GPC5: variants seen among roughly 807,000 people sequenced by gnomAD.
The protein encoded by GPC5 is glypican-5.
GPC5 carries 47 observed loss-of-function variants against 53.9 expected under a neutral mutation model. That is an observed-to-expected ratio of 0.87 (90% CI 0.69 to 1.11). GPC5 has a LOEUF of 1.11. Ranked by LOEUF, GPC5 falls within the 50% of genes most tolerant of loss-of-function variation. GPC5 has a pLI of 0.00. For missense variants in GPC5, 748 were observed against 713.1 expected (o/e 1.05, Z -0.56); for synonymous variants, 286 against 263.3 (o/e 1.09, Z -0.84).
intron 5 of GPC5, among the ~76,000 whole-genome samples, chr13:91,817,386 A>G (rs187525935): frequency 6.6e-5 from 10 of 152,302 alleles, no homozygotes; most frequent in Admixed American, 6.5e-4. Flanking sequence ...TTTATTTTGA[A>G]TCCTTTCAGA....
rs114684517 is a variant in GPC5 at position 92,075,051 on chromosome 13, T to G, written c.1402-69779T>G. On this transcript the variant is annotated intron_variant, in intron 6 of 7. Transcript: ENST00000377067. ...TCATAGGTTATAAAAATTTTGTGCA[T>G]ATGCCTGTTTTGAAATTTTTTTCTT... Among the ~76,000 whole-genome samples, 1,261 of 152,350 alleles carry G rather than the reference T, an allele frequency of 8.3e-3. 20 individuals are homozygous for G. Among genetic ancestry groups the G allele is most frequent in the African/African-American group, 0.029 (1,214 of 41,576 alleles).
chr13:92,154,687 G>C (rs1312156471), intron 7 of GPC5, among the ~76,000 whole-genome samples: 1 of 151,984 alleles, frequency 6.6e-6, no homozygotes, highest in Non-Finnish European at 1.5e-5. Flanking sequence ...ATACTTACTA[G>C]TTTCTTTGCC....
chr13:91,659,693 T>C (rs1012219872), intron 2 of GPC5, among the ~76,000 whole-genome samples: 9 of 152,178 alleles, frequency 5.9e-5, no homozygotes, highest in African/African-American at 2.2e-4. Context: ...CTCGAGATGT[T>C]TATCAAAGAC....
chr13:92,347,447 T>C (rs1177759132), intron 7 of GPC5, among the ~76,000 whole-genome samples: 1 of 151,964 alleles, frequency 6.6e-6, no homozygotes, highest in Non-Finnish European at 1.5e-5. Context: ...AATTGGTCTT[T>C]TAGGAATGAG....
chr13:92,208,318 T>A (rs537499120), intron 7 of GPC5, among the ~76,000 whole-genome samples: 44 of 152,338 alleles, frequency 2.9e-4, no homozygotes, highest in African/African-American at 1.0e-3. Flanking sequence ...ACTAGGCTGG[T>A]TTCCCATTCC....
chr13:92,132,457 C>T (rs1293855513), intron 6 of GPC5, among the ~76,000 whole-genome samples: 1 of 152,022 alleles, frequency 6.6e-6, no homozygotes, highest in African/African-American at 2.4e-5. Flanking sequence ...GTAGTTTCCT[C>T]CAGAAGGATA....
chr13:91,478,959 G>A (rs969082847), intron 2 of GPC5, among the ~76,000 whole-genome samples: 5 of 138,336 alleles, frequency 3.6e-5, no homozygotes, highest in African/African-American at 5.4e-5. Flanking sequence ...TGTTACCCAC[G>A]TTGGAGTGCA....
chr13:91,836,010 G>A (rs1188749093), intron 5 of GPC5, among the ~76,000 whole-genome samples: 2 of 151,946 alleles, frequency 1.3e-5, no homozygotes, highest in Non-Finnish European at 2.9e-5. Context: ...CCTGCCATGG[G>A]TACACTGTTT....
intron 7 of GPC5, among the ~76,000 whole-genome samples, chr13:92,171,115 G>A (rs2042067539): frequency 6.6e-6 from 1 of 152,006 alleles, no homozygotes; most frequent in Non-Finnish European, 1.5e-5. Flanking sequence ...TGTTCCACAA[G>A]ATATTCATAT....
At chr13:92,072,527 G>GAT (rs1422061898) in intron 6 of GPC5, among the ~76,000 whole-genome samples, 1 of 148,606 alleles carries the variant, frequency 6.7e-6, no homozygotes, top group Non-Finnish European at 1.5e-5. Context: ...AGCCTCCGAA[G>GAT]TGCTGGGATT....
rs1216960044 is a variant in GPC5 at position 91,740,110 on chromosome 13, C to T, written c.1154+11445C>T. On this transcript the variant is annotated intron_variant, in intron 4 of 7. Coordinates refer to ENST00000377067, the MANE Select transcript of GPC5 (RefSeq NM_004466.6). ...TCTTCCGCCACACCTGCCCTTGCTT[C>T]CCTTTCTCGCTTTTACCTAAAAGCA... 1.2e-4 allele frequency among the ~76,000 whole-genome samples: 18 copies of T among 146,050 alleles called. 1 individual carries two copies. The highest frequency in any genetic ancestry group is 1.2e-3 in the Admixed American group (18 of 14,988).
chr13:92,129,932 T>C (rs2041729582), intron 6 of GPC5, among the ~76,000 whole-genome samples: 1 of 152,154 alleles, frequency 6.6e-6, no homozygotes, highest in Admixed American at 6.5e-5. Flanking sequence ...TCAAAAATTT[T>C]GTAAAATTGA....
chr13:92,603,334 C>A (rs1393106963), intron 7 of GPC5, among the ~76,000 whole-genome samples: 1 of 152,038 alleles, frequency 6.6e-6, no homozygotes, highest in Admixed American at 6.6e-5. Flanking sequence ...AAATCTCTGT[C>A]TTCCCAGGAG....
intron 2 of GPC5, among the ~76,000 whole-genome samples, chr13:91,637,635 C>A (rs1409670377): frequency 6.6e-6 from 1 of 152,090 alleles, no homozygotes; most frequent in African/African-American, 2.4e-5. Context: ...AGCTGGGAAA[C>A]CCTGATACAG....
intron 7 of GPC5, among the ~76,000 whole-genome samples, chr13:92,706,942 G>A (rs1887972571): frequency 6.6e-6 from 1 of 152,028 alleles, no homozygotes; most frequent in South Asian, 2.1e-4. Flanking sequence ...CCCATGATTG[G>A]GATAATGCCC....
At chr13:92,862,542 G>T (rs1031093641) in intron 7 of GPC5, among the ~76,000 whole-genome samples, 1 of 151,790 alleles carries the variant, frequency 6.6e-6, no homozygotes, top group South Asian at 2.1e-4. Context: ...TATATATATA[G>T]ATAGATATAT....
chr13:92,828,945 A>T lies in GPC5; in HGVS notation c.1562-37337A>T, dbSNP rs957369504. Among the ~76,000 whole-genome samples, 10 of 152,286 alleles carry T rather than the reference A, an allele frequency of 6.6e-5. 1 individual carries two copies. The highest frequency in any genetic ancestry group is 1.0e-4 in the Non-Finnish European group (7 of 68,022). ...AAAGCTTAGACTTCGCCACCACGCA[A>T]TACATCCATGTTACATCCATGTAAC... On this transcript the variant is annotated intron_variant, in intron 7 of 7. Transcript: ENST00000377067.
chr13:91,609,237 T>C (rs1340620234), intron 2 of GPC5, among the ~76,000 whole-genome samples: 2 of 151,602 alleles, frequency 1.3e-5, no homozygotes, highest in African/African-American at 4.8e-5. Context: ...TCATATTAGG[T>C]GCCAGTAGCT....
chr13:91,806,021 A>ATTTTTTTTTTTTTTTT (rs71113764), intron 5 of GPC5, among the ~76,000 whole-genome samples: 2 of 48,558 alleles, frequency 4.1e-5, no homozygotes, highest in Admixed American at 3.7e-4. Flanking sequence ...AAATACAATA[A>ATTTTTTTTTTTTTTTT]TTTTTTTTTT....
Sources: allele counts gnomAD v4.1 joint callset (sites outside exome capture counted in the v4.1 genomes callset), GRCh38; gene constraint gnomAD v4.1.1; transcripts MANE v1.5; gene names NCBI Gene and HGNC (gene_info 2026-07-23, HGNC 2026-07-21).